PCDHGB1: variants seen among roughly 807,000 people sequenced by gnomAD.
The protein encoded by PCDHGB1 is protocadherin gamma subfamily B, 1, also known as protocadherin gamma-B1.
In PCDHGB1, 34 loss-of-function variants were observed where a neutral mutation model predicts 56.6. That is an observed-to-expected ratio of 0.60 (90% CI 0.46 to 0.80). The LOEUF (loss-of-function observed/expected upper bound fraction) is 0.80, where lower values mean the gene tolerates loss of function less well. Ranked by LOEUF, PCDHGB1 falls within the 30% of genes least tolerant of loss-of-function variation. The pLI is 0.00. For missense variants in PCDHGB1, 1,278 were observed against 1,204.6 expected (o/e 1.06, Z -0.90); for synonymous variants, 561 against 505.9 (o/e 1.11, Z -1.46).
intron 1 of PCDHGB1, chr5:141,395,078 G>A: frequency 1.2e-6 from 2 of 1,614,126 alleles, no homozygotes; most frequent in Non-Finnish European, 1.7e-6. Flanking sequence ...CCTATTCCCA[G>A]GAAGTCTCCC....
Position 141,491,987 on chromosome 5 carries a change from T to A in PCDHGB1, c.2410-2820T>A. The A allele has an allele frequency of 1.4e-6, 1 of 736,922 alleles. No individual in the cohort carries two copies. The highest frequency in any genetic ancestry group is 2.0e-6 in the Non-Finnish European group (1 of 490,378). The allele number at this position is 736,922 out of a possible 1,614,324, so 45.6% of individuals were successfully genotyped here. On this transcript the variant is annotated intron_variant, in intron 1 of 3. Coordinates refer to ENST00000523390, the MANE Select transcript of PCDHGB1 (RefSeq NM_018922.3). The surrounding 1 kb of genome is among the most constrained non-coding windows in gnomAD (Gnocchi z 6.9). ...GCCGGGGCCTCCTTCGAGCTTCCGG[T>A]GAATTTCGGGCGATTTCCGCGGGTG...
rs1280755615 is a variant in PCDHGB1, at chr5:141,431,629, A to G, written c.2410-63178A>G. 1 of 1,614,246 alleles carries G rather than the reference A, an allele frequency of 6.2e-7. No individual in the cohort carries two copies. ...GGTATGTGGACGACAAGGCGGCCCA[A>G]GTTTTCAAACTAGATTGTAATTCAG... On this transcript the variant is annotated intron_variant, in intron 1 of 3. Transcript: ENST00000523390. The surrounding 1 kb of genome is among the most constrained non-coding windows in gnomAD (Gnocchi z 4.8).
Position 141,477,554 on chromosome 5 carries a change from A to T in PCDHGB1, c.2410-17253A>T. The T allele has an allele frequency of 6.2e-7, 1 of 1,614,112 alleles. No homozygotes were observed. Among genetic ancestry groups the T allele is most frequent in the South Asian group, 1.1e-5 (1 of 91,086 alleles). Reference sequence around the variant, plus strand: ...CCCCGGGGCTCCAATACTAAACCTAAGTGTCTGGGACCCCGACGCCCCGCA... The same window carrying T: ...CCCCGGGGCTCCAATACTAAACCTATGTGTCTGGGACCCCGACGCCCCGCA... On this transcript the variant is annotated intron_variant, in intron 1 of 3. Transcript: ENST00000523390. This position sits in a 1 kb window ranked among gnomAD's most constrained non-coding sequence, Gnocchi z 4.9.
intron 1 of PCDHGB1, chr5:141,427,942 T>C (rs1561832592): frequency 6.3e-7 from 1 of 1,586,106 alleles, no homozygotes; most frequent in Non-Finnish European, 8.6e-7. Context: ...GTGGGCGACC[T>C]CAATGACAAT....
rs1561869034 is a variant in PCDHGB1 at position 141,433,357 on chromosome 5, G to GT, written c.2410-61450_2410-61449insT. On this transcript the variant is annotated intron_variant, in intron 1 of 3. Transcript: ENST00000523390. ...TACAGGTGCAAGCCACCTACTGTCT[G>GT]CCTATCTATCTATCTATCTATCTAT... 125 of 569,056 alleles carry GT rather than the reference G, an allele frequency of 2.2e-4. No homozygotes were observed. In the African/African-American group the frequency reaches 2.4e-3, roughly 11 times the overall value. The allele number at this position is 569,056 out of a possible 1,614,324, so 35.3% of individuals were successfully genotyped here. A position where few individuals can be genotyped will look rare whatever the true frequency, so the allele number is the denominator to read the frequency against.
chr5:141,386,729 G>A (rs2090690425), intron 1 of PCDHGB1, among the ~76,000 whole-genome samples: 1 of 152,182 alleles, frequency 6.6e-6, no homozygotes, highest in South Asian at 2.1e-4. Context: ...CAATGTTACT[G>A]AGGGAAGATC....
Position 141,490,311 on chromosome 5 carries a change from C to T in PCDHGB1, c.2410-4496C>T. 6.2e-7 allele frequency: 1 copy of T among 1,614,200 alleles called. No individual in the cohort carries two copies. The highest frequency in any genetic ancestry group is 8.5e-7 in the Non-Finnish European group (1 of 1,180,018). On this transcript the variant is annotated intron_variant, in intron 1 of 3. Coordinates refer to ENST00000523390, the MANE Select transcript of PCDHGB1 (RefSeq NM_018922.3). This position sits in a 1 kb window ranked among gnomAD's most constrained non-coding sequence, Gnocchi z 5.4. ...AGGTGCTATTGGCCTCTTTGGCCAA[C>T]CCTGTCCTAGAGAGCACACCAGTGG...
intron 1 of PCDHGB1, chr5:141,423,692 G>T: frequency 7.1e-7 from 1 of 1,405,756 alleles, no homozygotes; most frequent in Non-Finnish European, 9.4e-7. Context: ...CCTAATTGTT[G>T]GTGTCTTGGC....
At position 141,430,917 on chromosome 5, in the gene PCDHGB1, G is replaced by A. The variant is rs2097324810; in HGVS notation, c.2410-63890G>A. ...GTGGGCGACATCTCCAGGGACCTGG[G>A]GCTGGAGCCCCGGGAGCTCGCGGAG... On this transcript the variant is annotated intron_variant, in intron 1 of 3. Coordinates refer to ENST00000523390, the MANE Select transcript of PCDHGB1 (RefSeq NM_018922.3). The A allele has an allele frequency of 1.9e-6, 3 of 1,607,956 alleles. No individual in the cohort carries two copies. The highest frequency in any genetic ancestry group is 2.5e-6 in the Non-Finnish European group (3 of 1,177,520).
At chr5:141,379,573 G>C (rs1470548160) in intron 1 of PCDHGB1, 1 of 152,120 alleles carries the variant, frequency 6.6e-6, no homozygotes, top group Non-Finnish European at 1.5e-5. Context: ...GATCAGGCTG[G>C]TTTATTTTAT....
At chr5:141,415,132 C>T (rs752622569) in intron 1 of PCDHGB1, 4 of 1,613,696 alleles carry the variant, frequency 2.5e-6, no homozygotes, top group Non-Finnish European at 3.4e-6. Flanking sequence ...CGTCCAGGAC[C>T]ACGGCCAGCC....
chr5:141,423,561 C>G (rs959698297), intron 1 of PCDHGB1: 7 of 1,613,628 alleles, frequency 4.3e-6, no homozygotes, highest in Non-Finnish European at 5.9e-6. Flanking sequence ...ACTATGGGGA[C>G]ACGCTCATCA....
chr5:141,376,427 C>T (rs1772674192), intron 1 of PCDHGB1: 1 of 1,614,104 alleles, frequency 6.2e-7, no homozygotes, highest in Non-Finnish European at 8.5e-7. Context: ...GCTTATCAAC[C>T]AGGAGAGCTA....
At chr5:141,364,936 C>T in intron 1 of PCDHGB1, 1 of 1,613,878 alleles carries the variant, frequency 6.2e-7, no homozygotes, top group South Asian at 1.1e-5. Flanking sequence ...CCCTAGACCG[C>T]GAGAAAGAGA....
intron 1 of PCDHGB1, chr5:141,355,438 C>A (rs1313057434): frequency 2.5e-6 from 4 of 1,613,966 alleles, no homozygotes; most frequent in African/African-American, 1.3e-5. Context: ...CCTGAACCCG[C>A]GCAGCGGCAC....
chr5:141,509,638 A>G (rs1204228233), intron 3 of PCDHGB1, among the ~76,000 whole-genome samples: 1 of 152,174 alleles, frequency 6.6e-6, no homozygotes, highest in Admixed American at 6.5e-5. Flanking sequence ...ATGCTGAGCC[A>G]GGGCCAGAGT....
intron 1 of PCDHGB1, chr5:141,360,970 T>C: frequency 6.2e-7 from 1 of 1,613,884 alleles, no homozygotes; most frequent in Non-Finnish European, 8.5e-7. Flanking sequence ...AGAGATCACC[T>C]ACTCCTTTCA....
chr5:141,478,678 C>T (rs3805695), intron 1 of PCDHGB1: 273,671 of 1,551,084 alleles, frequency 0.18, 26,385 homozygotes, highest in African/African-American at 0.39. Context: ...TTCAACTGGC[C>T]CTTCCTAGAT....
chr5:141,467,874 G>T (rs926647135), intron 1 of PCDHGB1, among the ~76,000 whole-genome samples: 1 of 151,920 alleles, frequency 6.6e-6, no homozygotes, highest in Non-Finnish European at 1.5e-5. Context: ...GCCCAGGCTG[G>T]TCTCAAACTC....
Sources: gnomAD v4.1 joint callset for allele counts (sites outside exome capture counted in the v4.1 genomes callset) on GRCh38, gnomAD v4.1.1 for gene constraint, Gnocchi (gnomAD v3.1) non-coding constraint, MANE v1.5 for transcripts, NCBI Gene and HGNC (gene_info 2026-07-23, HGNC 2026-07-21) for gene names.